SH2D4B: variants seen among roughly 807,000 people sequenced by gnomAD.
The protein encoded by SH2D4B is SH2 domain containing 4B, also known as SH2 domain-containing protein 4B.
A neutral mutation model predicts 61.5 loss-of-function variants in SH2D4B; 45 were observed. That is an observed-to-expected ratio of 0.73 (90% CI 0.58 to 0.94). SH2D4B has a LOEUF of 0.94. Ranked by LOEUF, SH2D4B falls within the 40% of genes least tolerant of loss-of-function variation. The pLI, the probability that SH2D4B is intolerant of heterozygous loss-of-function variation, is 0.00. For synonymous variants in SH2D4B, 224 were observed against 220.4 expected, an observed-to-expected ratio of 1.02 and a Z score of -0.14; for missense variants, 572 against 574.2, an observed-to-expected ratio of 1.00 and a Z score of 0.04.
chr10:80,609,678 G>A, intron 6 of SH2D4B, 127 bp downstream of exon 6: 2 of 1,455,662 alleles, frequency 1.4e-6, no homozygotes, highest in Non-Finnish European at 1.9e-6. Flanking sequence ...TCTCCATTCT[G>A]TCCCTCTCCC....
chr10:80,617,767 A>G (rs543673495), intron 6 of SH2D4B, among the ~76,000 whole-genome samples: 4 of 152,194 alleles, frequency 2.6e-5, no homozygotes, highest in Non-Finnish European at 5.9e-5. Flanking sequence ...TCCATCTCTC[A>G]GCTCTGTTGT....
chr10:80,571,056 G>C (rs780332776), intron 2 of SH2D4B, among the ~76,000 whole-genome samples: 9 of 151,940 alleles, frequency 5.9e-5, no homozygotes, highest in Non-Finnish European at 1.0e-4. Context: ...CAAATTTTTA[G>C]TAGAGACGGT....
chr10:80,560,460 TG>T (rs1226928274), intron 1 of SH2D4B, among the ~76,000 whole-genome samples: 4 of 151,664 alleles, frequency 2.6e-5, no homozygotes, highest in Admixed American at 2.6e-4. Context: ...CTTGAACTCC[TG>T]GGGCTCAAGC....
At position 80,643,996 on chromosome 10, in the gene SH2D4B, G is replaced by A. The variant is rs1461202750; in HGVS notation, c.1213G>A (p.Glu405Lys). The change falls in exon 8 of 8, where the codon GAA becomes AAA. Residue 405 changes from glutamate (E) to lysine (K), a missense_variant. Physicochemically the swap from Glu to Lys is moderately conservative, Grantham distance 56 (BLOSUM62 1). Coordinates refer to ENST00000646907, the MANE Select transcript of SH2D4B (RefSeq NM_001388272.1). ...LTDLVDFHKE[E>K]IITVSGGELL... ...TTTCCTTTTTTTTCTGTTTTAGGAG[G>A]AAATTATCACTGTTTCAGGAGGAGA... 6 of 1,613,200 alleles carry A rather than the reference G, an allele frequency of 3.7e-6. No individual in the cohort carries two copies. Among genetic ancestry groups the A allele is most frequent in the Non-Finnish European group, 3.4e-6 (4 of 1,179,610 alleles).
intron 1 of SH2D4B, among the ~76,000 whole-genome samples, chr10:80,566,483 A>G (rs567585711): frequency 3.9e-4 from 59 of 151,970 alleles, no homozygotes; most frequent in African/African-American, 1.4e-3. Flanking sequence ...TTTAGTAGAG[A>G]TGGGGTTTCA....
At chr10:80,635,264 C>T (rs1350490550) in intron 7 of SH2D4B, among the ~76,000 whole-genome samples, 3 of 152,100 alleles carry the variant, frequency 2.0e-5, no homozygotes, top group African/African-American at 7.2e-5. Context: ...CGTTTATGTT[C>T]GTGTGGCCGT....
chr10:80,539,583 GC>G lies in SH2D4B; in HGVS notation c.184+1074del, dbSNP rs916271651. ...CACCTGACAGACTCCATCAGGAGTGGCCCCCCTGCCCTGGAGTGTTCAGGGA... is the reference window on the plus strand; with the variant it reads ...CACCTGACAGACTCCATCAGGAGTGGCCCCCTGCCCTGGAGTGTTCAGGGA... On this transcript the variant is annotated intron_variant, in intron 1 of 7. Transcript: ENST00000646907. The surrounding 1 kb of genome is among the most constrained non-coding windows in gnomAD (Gnocchi z 4.9). Among the ~76,000 whole-genome samples the G allele has an allele frequency of 6.6e-6, 1 of 152,190 alleles. No homozygotes were observed. Among genetic ancestry groups the G allele is most frequent in the Non-Finnish European group, 1.5e-5 (1 of 68,036 alleles).
intron 6 of SH2D4B, among the ~76,000 whole-genome samples, chr10:80,618,063 G>T (rs1842679270): frequency 6.6e-6 from 1 of 152,214 alleles, no homozygotes; most frequent in Non-Finnish European, 1.5e-5. Flanking sequence ...CAGACTGAGA[G>T]TACGTGGCGT....
At chr10:80,544,864 C>A (rs1589329001) in intron 1 of SH2D4B, among the ~76,000 whole-genome samples, 1 of 152,240 alleles carries the variant, frequency 6.6e-6, no homozygotes, top group African/African-American at 2.4e-5. Context: ...ACCTGCCCAC[C>A]TCTTCAAGCT....
chr10:80,575,588 A>G lies in SH2D4B; in HGVS notation c.495+4010A>G, dbSNP rs577281908. Among the ~76,000 whole-genome samples the G allele has an allele frequency of 1.4e-4, 22 of 152,050 alleles. No individual in the cohort carries two copies. The South Asian group carries it at 4.4e-3, about 30-fold the overall frequency. On this transcript the variant is annotated intron_variant, in intron 3 of 7. Coordinates refer to ENST00000646907, the MANE Select transcript of SH2D4B (RefSeq NM_001388272.1). ...CCAGCCTGGCCAACATGGTGAAACT[A>G]CTAAAACATGGTGAAACTACTAACA...
At chr10:80,620,854 A>G (rs1350566368) in intron 6 of SH2D4B, among the ~76,000 whole-genome samples, 2 of 152,200 alleles carry the variant, frequency 1.3e-5, no homozygotes, top group African/African-American at 4.8e-5. Flanking sequence ...TTGTAATTCT[A>G]ATTATTCAGT....
At chr10:80,583,713 A>C (rs889200507) in intron 3 of SH2D4B, among the ~76,000 whole-genome samples, 5 of 152,146 alleles carry the variant, frequency 3.3e-5, no homozygotes, top group African/African-American at 1.2e-4. Flanking sequence ...GAAAATGATA[A>C]GGCAGTTAGA....
At chr10:80,543,912 C>G (rs1387197477) in intron 1 of SH2D4B, among the ~76,000 whole-genome samples, 1 of 151,834 alleles carries the variant, frequency 6.6e-6, no homozygotes, top group Non-Finnish European at 1.5e-5. Flanking sequence ...TGTGGAGAAC[C>G]TTTTTGTCTA....
In SH2D4B at chr10:80,598,451, A is replaced by C. The variant is rs534648527; in HGVS notation, c.644-5128A>C. Among the ~76,000 whole-genome samples, 11 of 152,338 alleles carry C rather than the reference A, an allele frequency of 7.2e-5. No homozygotes were observed. In the South Asian group the frequency reaches 2.1e-3, roughly 29 times the overall value. On this transcript the variant is annotated intron_variant, in intron 4 of 7. Transcript: ENST00000646907. ...GAAAACAGAAAAGATGTGATCATTC[A>C]GGCCCTGTGGTTTTAGTTCCTCATC...
At chr10:80,615,284 G>A in intron 6 of SH2D4B, among the ~76,000 whole-genome samples, 1 of 152,252 alleles carries the variant, frequency 6.6e-6, no homozygotes, top group East Asian at 1.9e-4. Flanking sequence ...CCCCACTGAG[G>A]ACCAGAGAGC....
chr10:80,616,831 C>T (rs1366735631), intron 6 of SH2D4B, among the ~76,000 whole-genome samples: 3 of 152,350 alleles, frequency 2.0e-5, no homozygotes, highest in Middle Eastern at 3.4e-3. Context: ...ATTTCACTTA[C>T]TTCCCAAACA....
intron 1 of SH2D4B, among the ~76,000 whole-genome samples, chr10:80,560,372 AT>A (rs1046386490): frequency 1.0e-3 from 150 of 144,422 alleles, no homozygotes; most frequent in Admixed American, 1.2e-3. Flanking sequence ...ATATTCTTAG[AT>A]TTTTTTTTTT....
chr10:80,603,245 C>T (rs527485436), intron 4 of SH2D4B, among the ~76,000 whole-genome samples: 4 of 152,216 alleles, frequency 2.6e-5, no homozygotes, highest in Non-Finnish European at 5.9e-5. Flanking sequence ...GAAATTTCCA[C>T]CCCAAGGTGG....
At chr10:80,597,222 A>C (rs1208052745) in intron 4 of SH2D4B, among the ~76,000 whole-genome samples, 1 of 152,166 alleles carries the variant, frequency 6.6e-6, no homozygotes, top group Non-Finnish European at 1.5e-5. Context: ...GAGGATGCCG[A>C]GGGACAATTG....
Sources: allele counts gnomAD v4.1 joint callset (sites outside exome capture counted in the v4.1 genomes callset), GRCh38; gene constraint gnomAD v4.1.1; non-coding constraint Gnocchi (gnomAD v3.1); transcripts MANE v1.5; gene names NCBI Gene and HGNC (gene_info 2026-07-23, HGNC 2026-07-21).